SNX29: variants seen among roughly 807,000 people sequenced by gnomAD.
SNX29 encodes sorting nexin 29.
SNX29 carries 78 observed loss-of-function variants against 102.1 expected under a neutral mutation model. The ratio of observed to expected loss-of-function variants is 0.76; its 90% CI spans 0.64 to 0.92. The LOEUF (loss-of-function observed/expected upper bound fraction) is 0.92. SNX29 is among the 40% of genes least tolerant of loss of function. The pLI is 0.00. For synonymous variants in SNX29, 580 were observed against 414.5 expected (o/e 1.40, Z -4.85); for missense variants, 1,280 against 1,061.7 (o/e 1.21, Z -2.86).
At chr16:12,526,948 A>C (rs2076800265) in intron 20 of SNX29, 1 of 390,896 alleles carries the variant, frequency 2.6e-6, no homozygotes, top group Non-Finnish European at 4.8e-6. Flanking sequence ...TTTTGTGCCT[A>C]ATTAGCACGC....
At chr16:12,123,166 G>T (rs1284607761) in intron 11 of SNX29, among the ~76,000 whole-genome samples, 2 of 152,158 alleles carry the variant, frequency 1.3e-5, no homozygotes, top group Non-Finnish European at 2.9e-5. Flanking sequence ...AAAATTGTAT[G>T]TATTCAGGGC....
intron 14 of SNX29, among the ~76,000 whole-genome samples, chr16:12,260,715 G>T (rs1258012861): frequency 1.3e-5 from 2 of 151,662 alleles, no homozygotes; most frequent in Admixed American, 1.3e-4. Context: ...GCTGGAGTGA[G>T]TGAGTGTTGA....
At chr16:12,560,656 A>G (rs2078673168) in intron 20 of SNX29, 1 of 155,286 alleles carries the variant, frequency 6.4e-6, no homozygotes, top group African/African-American at 2.4e-5. Context: ...CCTAACTAGC[A>G]TCTTGGGGGC....
intron 19 of SNX29, among the ~76,000 whole-genome samples, chr16:12,494,127 C>T (rs548219525): frequency 6.6e-6 from 1 of 152,092 alleles, no homozygotes; most frequent in South Asian, 2.1e-4. Flanking sequence ...GTGGGAAGAT[C>T]CCTTGATGCC....
chr16:12,461,275 A>C (rs530082056), intron 18 of SNX29, among the ~76,000 whole-genome samples: 1 of 152,340 alleles, frequency 6.6e-6, no homozygotes, highest in African/African-American at 2.4e-5. Context: ...GTAGGTGCTC[A>C]ATAAACATTG....
intron 8 of SNX29, among the ~76,000 whole-genome samples, chr16:12,056,446 G>A (rs2050525632): frequency 6.6e-6 from 1 of 152,224 alleles, no homozygotes; most frequent in Admixed American, 6.5e-5. Context: ...AGACACAGCG[G>A]AGTGATGGGA....
chr16:11,987,554 G>T (rs149752758), intron 1 of SNX29, among the ~76,000 whole-genome samples: 4 of 151,890 alleles, frequency 2.6e-5, no homozygotes, highest in African/African-American at 7.3e-5. Flanking sequence ...GTGCCACCAC[G>T]CCCAGCTAAT....
chr16:12,175,012 A>T (rs756424308), intron 13 of SNX29, among the ~76,000 whole-genome samples: 4 of 152,228 alleles, frequency 2.6e-5, no homozygotes, highest in Non-Finnish European at 4.4e-5. Context: ...GAGGTCTCAC[A>T]AGCAATGCTA....
At chr16:12,534,610 C>T (rs372921561) in intron 20 of SNX29, among the ~76,000 whole-genome samples, 1 of 152,142 alleles carries the variant, frequency 6.6e-6, no homozygotes, top group East Asian at 1.9e-4. Flanking sequence ...CTGTTAAATT[C>T]AAAAAGCAAA....
chr16:12,532,278 T>TA (rs559798328), intron 20 of SNX29, among the ~76,000 whole-genome samples: 28 of 152,338 alleles, frequency 1.8e-4, no homozygotes, highest in African/African-American at 6.0e-4. Flanking sequence ...GGAAGCACAA[T>TA]AAGTCCTTAA....
intron 19 of SNX29, among the ~76,000 whole-genome samples, chr16:12,514,219 A>G (rs921656239): frequency 2.6e-4 from 40 of 152,218 alleles, no homozygotes; most frequent in Non-Finnish European, 8.8e-5. Context: ...TCAGTCTCAT[A>G]GAAGGAATAG....
chr16:12,250,183 G>C (rs780202666), intron 14 of SNX29, among the ~76,000 whole-genome samples: 3 of 152,222 alleles, frequency 2.0e-5, no homozygotes, highest in Non-Finnish European at 4.4e-5. Flanking sequence ...AGGTGGAGGA[G>C]CATGTGCAAA....
intron 13 of SNX29, among the ~76,000 whole-genome samples, chr16:12,138,659 T>G (rs2054752321): frequency 6.6e-6 from 1 of 152,192 alleles, no homozygotes; most frequent in Admixed American, 6.5e-5. Flanking sequence ...TTTTGTTACA[T>G]GTCTTTCAAA....
At chr16:12,445,731 C>T (rs2086018422) in intron 18 of SNX29, among the ~76,000 whole-genome samples, 1 of 152,198 alleles carries the variant, frequency 6.6e-6, no homozygotes, top group Non-Finnish European at 1.5e-5. Context: ...TAGGTGTCAC[C>T]AGTAAAAATG....
At chr16:12,201,651 G>A (rs753242048) in intron 14 of SNX29, among the ~76,000 whole-genome samples, 4 of 152,168 alleles carry the variant, frequency 2.6e-5, no homozygotes, top group Non-Finnish European at 5.9e-5. Flanking sequence ...ACTGCCGCTG[G>A]GAGTTACTCC....
chr16:12,379,829 G>T (rs922901894), intron 16 of SNX29, among the ~76,000 whole-genome samples: 2 of 152,188 alleles, frequency 1.3e-5, no homozygotes, highest in African/African-American at 4.8e-5. Flanking sequence ...ATCCCGGTGA[G>T]TGGGGCCTGC....
intron 14 of SNX29, among the ~76,000 whole-genome samples, chr16:12,235,500 T>G (rs1237428904): frequency 6.6e-6 from 1 of 152,152 alleles, no homozygotes; most frequent in Non-Finnish European, 1.5e-5. Context: ...TGCTTGAGTT[T>G]GTCAGGAGTT....
chr16:12,130,762 T>C (rs982370906), intron 13 of SNX29, among the ~76,000 whole-genome samples: 1 of 152,028 alleles, frequency 6.6e-6, no homozygotes, highest in African/African-American at 2.4e-5. Flanking sequence ...TAATGTGAAG[T>C]GGTAGCCTGT....
chr16:12,310,169 C>T (rs1041993755), intron 15 of SNX29, among the ~76,000 whole-genome samples: 10 of 152,186 alleles, frequency 6.6e-5, no homozygotes, highest in South Asian at 2.1e-4. Context: ...TGGTGTTTAC[C>T]GCTGCACCAG....
Sources: gnomAD v4.1 joint callset for allele counts (sites outside exome capture counted in the v4.1 genomes callset) on GRCh38, gnomAD v4.1.1 for gene constraint, MANE v1.5 for transcripts, NCBI Gene and HGNC (gene_info 2026-07-23, HGNC 2026-07-21) for gene names.